Variants in GPC6 observed in about 807,000 individuals in gnomAD.
GPC6 encodes the protein glypican-6.
In GPC6, 14 loss-of-function variants were observed where a neutral mutation model predicts 55.2. That is an observed-to-expected ratio of 0.25 (90% CI 0.17 to 0.40). GPC6 has a LOEUF of 0.40. Ranked by LOEUF, GPC6 falls within the 10% of genes least tolerant of loss-of-function variation. The probability of loss-of-function intolerance (pLI) is 1.00; values close to 1 mark genes in which losing one functional copy is unlikely to be tolerated. For synonymous variants in GPC6, 278 were observed against 259.6 expected, an observed-to-expected ratio of 1.07 and a Z score of -0.68; for missense variants, 641 against 708.5, an observed-to-expected ratio of 0.90 and a Z score of 1.08.
chr13:94,073,220 A>T (rs2138785671), intron 4 of GPC6, among the ~76,000 whole-genome samples: 1 of 152,276 alleles, frequency 6.6e-6, no homozygotes, highest in South Asian at 2.1e-4. Flanking sequence ...CAGTGGTTTG[A>T]TTCTGATCCA....
In GPC6 at chr13:94,405,930, A is replaced by G. The variant is rs892604949; in HGVS notation, c.*2713A>G. The G allele has an allele frequency of 6.6e-6, 1 of 152,186 alleles. No homozygotes were observed. Among genetic ancestry groups the G allele is most frequent in the Non-Finnish European group, 1.5e-5 (1 of 68,018 alleles). 9.4% of individuals were successfully genotyped at this position (152,186 alleles called of 1,614,324 possible). ...GGCCCTAAAGGATTTCACTTAACCT[A>G]GTTACCCTATTTCAGTAAGTATTTT... On this transcript the variant is annotated 3_prime_UTR_variant, in exon 9 of 9. Transcript: ENST00000377047.
chr13:93,558,246 T>C (rs1301122604), intron 2 of GPC6, among the ~76,000 whole-genome samples: 1 of 152,190 alleles, frequency 6.6e-6, no homozygotes, highest in Non-Finnish European at 1.5e-5. Context: ...GCGCTTGTAA[T>C]ATATGAGGGT....
intron 2 of GPC6, among the ~76,000 whole-genome samples, chr13:93,596,853 A>C (rs961253102): frequency 6.7e-6 from 1 of 149,418 alleles, no homozygotes; most frequent in Non-Finnish European, 1.5e-5. Context: ...TAAAATTTAT[A>C]ATGAAGAATT....
intron 1 of GPC6, among the ~76,000 whole-genome samples, chr13:93,256,377 A>C (rs547914634): frequency 7.0e-4 from 107 of 152,004 alleles, no homozygotes; most frequent in Admixed American, 1.9e-3. Flanking sequence ...GGAATAATTT[A>C]TCTCTCCTCT....
At chr13:93,358,987 T>G (rs34953821) in intron 1 of GPC6, among the ~76,000 whole-genome samples, 52,660 of 146,596 alleles carry the variant, frequency 0.36, 10,602 homozygotes, top group East Asian at 0.78. Flanking sequence ...TTTTTTTTTT[T>G]TGTTTTTTTT....
At chr13:93,537,318 A>C (rs1205635720) in intron 1 of GPC6, among the ~76,000 whole-genome samples, 1 of 152,132 alleles carries the variant, frequency 6.6e-6, no homozygotes, top group East Asian at 1.9e-4. Context: ...TGTTAATTTA[A>C]CTTTTATGTC....
At chr13:93,302,097 C>A (rs1217957004) in intron 1 of GPC6, among the ~76,000 whole-genome samples, 2 of 152,116 alleles carry the variant, frequency 1.3e-5, no homozygotes, top group Non-Finnish European at 2.9e-5. Flanking sequence ...AAGTGTTAAT[C>A]AAAGCTTTAT....
chr13:93,944,116 A>G (rs1049947851), intron 3 of GPC6, among the ~76,000 whole-genome samples: 3 of 152,122 alleles, frequency 2.0e-5, no homozygotes, highest in East Asian at 3.9e-4. Flanking sequence ...AAAGACTTCT[A>G]TAATTGCAGT....
chr13:94,106,257 T>A (rs1886048399), intron 4 of GPC6, among the ~76,000 whole-genome samples: 3 of 152,178 alleles, frequency 2.0e-5, no homozygotes, highest in Non-Finnish European at 4.4e-5. Context: ...GTGTGAGAAA[T>A]CACAATGTGT....
At chr13:93,685,181 G>T (rs929550779) in intron 2 of GPC6, among the ~76,000 whole-genome samples, 1 of 152,026 alleles carries the variant, frequency 6.6e-6, no homozygotes, top group Non-Finnish European at 1.5e-5. Context: ...TTTAAAAATG[G>T]TCTGTGGTAG....
At chr13:93,467,639 T>TATTGTG (rs1336859229) in intron 1 of GPC6, among the ~76,000 whole-genome samples, 1 of 142,692 alleles carries the variant, frequency 7.0e-6, no homozygotes, top group African/African-American at 2.6e-5. Context: ...TGGAGTGCGG[T>TATTGTG]ATTGTGATCA....
chr13:93,455,332 A>G (rs1320751151), intron 1 of GPC6, among the ~76,000 whole-genome samples: 2 of 152,190 alleles, frequency 1.3e-5, no homozygotes, highest in African/African-American at 2.4e-5. Flanking sequence ...GAGGACTGCC[A>G]GCACGCTGTC....
intron 4 of GPC6, among the ~76,000 whole-genome samples, chr13:94,238,868 A>G (rs1387806984): frequency 1.3e-5 from 2 of 152,240 alleles, no homozygotes; most frequent in African/African-American, 4.8e-5. Context: ...TGGGGACGAC[A>G]GATAAACGTA....
intron 2 of GPC6, among the ~76,000 whole-genome samples, chr13:93,765,391 G>A (rs1266671972): frequency 8.8e-6 from 1 of 113,252 alleles, no homozygotes; most frequent in Non-Finnish European, 2.0e-5. Context: ...ATGAAAAATG[G>A]CCAAACATAA....
intron 2 of GPC6, among the ~76,000 whole-genome samples, chr13:93,600,091 A>T (rs7325532): frequency 1.3e-5 from 2 of 152,204 alleles, no homozygotes; most frequent in Admixed American, 6.5e-5. Context: ...ACGCTTTCTC[A>T]TTCTTATAAT....
chr13:94,186,009 G>A (rs546845550), intron 4 of GPC6, among the ~76,000 whole-genome samples: 144 of 120,700 alleles, frequency 1.2e-3, no homozygotes, highest in Admixed American at 3.3e-3. Flanking sequence ...ACAGTGAGCC[G>A]AGATCGCACC....
chr13:93,964,319 C>T (rs1879920051), intron 3 of GPC6, among the ~76,000 whole-genome samples: 1 of 151,994 alleles, frequency 6.6e-6, no homozygotes. Flanking sequence ...AAAATGAGGT[C>T]CACACATAAT....
intron 4 of GPC6, among the ~76,000 whole-genome samples, chr13:94,168,632 T>C (rs1285551848): frequency 1.3e-5 from 2 of 149,440 alleles, no homozygotes; most frequent in South Asian, 2.1e-4. Flanking sequence ...ATATTTATTA[T>C]ATTTTATCTA....
intron 3 of GPC6, among the ~76,000 whole-genome samples, chr13:93,939,227 A>G (rs553262786): frequency 1.3e-3 from 201 of 151,724 alleles, no homozygotes; most frequent in African/African-American, 4.4e-3. Flanking sequence ...TGAATAGTTT[A>G]GATTGTCAAA....
Sources: gnomAD v4.1 joint callset for allele counts (sites outside exome capture counted in the v4.1 genomes callset) on GRCh38, gnomAD v4.1.1 for gene constraint, MANE v1.5 for transcripts, NCBI Gene and HGNC (gene_info 2026-07-23, HGNC 2026-07-21) for gene names.